The following MPPED2 variants were observed in gnomAD, a reference collection of about 807,000 sequenced individuals.
MPPED2 encodes the protein metallophosphoesterase MPPED2.
A neutral mutation model predicts 33.0 loss-of-function variants in MPPED2; 5 were observed. The ratio of observed to expected loss-of-function variants is 0.15; its 90% CI spans 0.08 to 0.32. The LOEUF (loss-of-function observed/expected upper bound fraction) is 0.32. Among genes scored for constraint, MPPED2 ranks in the 10% least tolerant of loss-of-function variants. The pLI, the probability that MPPED2 is intolerant of heterozygous loss-of-function variation, is 1.00. For missense variants in MPPED2, 275 were observed against 372.1 expected, an observed-to-expected ratio of 0.74 and a Z score of 2.15; for synonymous variants, 136 against 141.9, an observed-to-expected ratio of 0.96 and a Z score of 0.29.
At chr11:30,474,893 T>C (rs1176806741) in intron 4 of MPPED2, among the ~76,000 whole-genome samples, 1 of 152,110 alleles carries the variant, frequency 6.6e-6, no homozygotes, top group Non-Finnish European at 1.5e-5. Flanking sequence ...CCCCTCTTGC[T>C]TTGCTGCTCC....
intron 4 of MPPED2, among the ~76,000 whole-genome samples, chr11:30,427,077 C>T (rs1198015390): frequency 1.3e-5 from 2 of 152,184 alleles, no homozygotes; most frequent in Admixed American, 6.5e-5. Context: ...ATACCTGTGC[C>T]TCCTCTTCCC....
chr11:30,514,202 CT>C (rs777824145), intron 3 of MPPED2, among the ~76,000 whole-genome samples: 50 of 152,284 alleles, frequency 3.3e-4, no homozygotes, highest in Admixed American at 1.6e-3. Flanking sequence ...ATCTATTTCC[CT>C]TGCCAATGAC....
Position 30,570,985 on chromosome 11 carries a change from G to C in MPPED2, c.128+9261C>G, listed in dbSNP as rs572911284. Among the ~76,000 whole-genome samples, 5 of 152,296 alleles carry C rather than the reference G, an allele frequency of 3.3e-5. No homozygotes were observed. In the East Asian group the frequency reaches 9.6e-4, roughly 29 times the overall value. Reference sequence around the variant, plus strand: ...TGTACAAAGAAATAAGTGAGTTTCAGTAGAGTCCATGTTTTGATGTAGAGT... The same window carrying C: ...TGTACAAAGAAATAAGTGAGTTTCACTAGAGTCCATGTTTTGATGTAGAGT... On this transcript the variant is annotated intron_variant, in intron 2 of 6. Transcript: ENST00000358117.
chr11:30,551,364 T>C (rs919734122), intron 2 of MPPED2, among the ~76,000 whole-genome samples: 4 of 152,218 alleles, frequency 2.6e-5, no homozygotes, highest in Non-Finnish European at 5.9e-5. Context: ...AGAGATGCTA[T>C]AAATCATGAG....
At chr11:30,585,000 G>C (rs1957394145) in intron 1 of MPPED2, 1 of 152,034 alleles carries the variant, frequency 6.6e-6, no homozygotes, top group African/African-American at 2.4e-5. Flanking sequence ...TGTGTGAGAG[G>C]GGGGTGGTGA....
chr11:30,479,641 G>GA (rs35826560), intron 4 of MPPED2, among the ~76,000 whole-genome samples: 5 of 150,534 alleles, frequency 3.3e-5, no homozygotes, highest in Admixed American at 1.3e-4. Flanking sequence ...ACCTCTAAAG[G>GA]AAAAAAAAAT....
chr11:30,441,546 T>C (rs1949572020), intron 4 of MPPED2: 1 of 152,226 alleles, frequency 6.6e-6, no homozygotes, highest in South Asian at 2.1e-4. Context: ...AATCTTGTGG[T>C]AGTGACTTAA....
Position 30,580,456 on chromosome 11 carries a change from T to C in MPPED2, c.-83A>G. 6.4e-7 allele frequency: 1 copy of C among 1,568,296 alleles called. No individual in the cohort carries two copies. Reference sequence around the variant, plus strand: ...GGCATGGTGCGTTTCAGCCAACCTCTGAATCCAAGGATCTACTCATCAATA... The same window carrying C: ...GGCATGGTGCGTTTCAGCCAACCTCCGAATCCAAGGATCTACTCATCAATA... On this transcript the variant is annotated 5_prime_UTR_variant, in exon 2 of 7. Transcript: ENST00000358117.
intron 6 of MPPED2, among the ~76,000 whole-genome samples, chr11:30,393,924 C>G (rs1947809712): frequency 6.6e-6 from 1 of 152,104 alleles, no homozygotes; most frequent in Non-Finnish European, 1.5e-5. Flanking sequence ...CCAAAAACTC[C>G]CCTGTGCTGC....
intron 4 of MPPED2, among the ~76,000 whole-genome samples, chr11:30,469,779 C>A (rs1246015132): frequency 6.6e-6 from 1 of 152,110 alleles, no homozygotes; most frequent in African/African-American, 2.4e-5. Flanking sequence ...TCCATATCCC[C>A]CATTGATTAG....
intron 3 of MPPED2, among the ~76,000 whole-genome samples, chr11:30,498,698 A>G (rs1952415245): frequency 1.3e-5 from 2 of 152,226 alleles, no homozygotes; most frequent in South Asian, 4.1e-4. Flanking sequence ...TTTTAAAACT[A>G]CTTTTAAGAA....
intron 2 of MPPED2, among the ~76,000 whole-genome samples, chr11:30,538,331 A>G (rs182523201): frequency 6.6e-6 from 1 of 152,190 alleles, no homozygotes; most frequent in East Asian, 1.9e-4. Context: ...ATCTCAGCTT[A>G]TCAGACAGAC....
At chr11:30,520,631 TGAAG>T (rs1349950765) in intron 3 of MPPED2, among the ~76,000 whole-genome samples, 1 of 152,202 alleles carries the variant, frequency 6.6e-6, no homozygotes. Flanking sequence ...TATTTGGAAA[TGAAG>T]GGAGTATTTA....
intron 6 of MPPED2, among the ~76,000 whole-genome samples, chr11:30,413,850 G>T (rs1250590926): frequency 6.6e-6 from 1 of 152,162 alleles, no homozygotes; most frequent in Non-Finnish European, 1.5e-5. Flanking sequence ...GCTTAAAATA[G>T]CTTCTAATAT....
intron 3 of MPPED2, among the ~76,000 whole-genome samples, chr11:30,507,432 C>T (rs1952894253): frequency 1.3e-5 from 2 of 152,156 alleles, no homozygotes; most frequent in South Asian, 4.1e-4. Context: ...CATCCTATGT[C>T]AATTTTAATA....
downstream of MPPED2, among the ~76,000 whole-genome samples, chr11:30,406,822 G>A (rs1401561065): frequency 6.6e-6 from 1 of 152,124 alleles, no homozygotes; most frequent in Non-Finnish European, 1.5e-5. Context: ...GTTTCCAAAT[G>A]CCTCACCTCA....
At position 30,580,254 on chromosome 11, in the gene MPPED2, A is replaced by T. The variant is rs1353083872; in HGVS notation, c.120T>A (p.His40Gln). 6.2e-7 allele frequency: 1 copy of T among 1,613,906 alleles called. No individual in the cohort carries two copies. The highest frequency in any genetic ancestry group is 1.7e-5 in the Admixed American group (1 of 60,008). ...NINQSRFQPPHVHMVDPIPYD... is the reference protein window; with the variant it reads ...NINQSRFQPPQVHMVDPIPYD... ...TCATAAGCGATACTTACATATGTAC[A>T]TGTGGAGGCTGGAATCTGCTCTGGT... is the stretch of plus-strand genomic sequence containing the variant. Residue 40 changes from histidine (H) to glutamine (Q), a missense_variant, in exon 2 of 7, where the codon CAT becomes CAA. By Grantham distance (24) the His-to-Gln change is conservative (BLOSUM62 0). Coordinates refer to ENST00000358117, the MANE Select transcript of MPPED2 (RefSeq NM_001584.3).
At chr11:30,417,061 A>G (rs141273999) in intron 5 of MPPED2, among the ~76,000 whole-genome samples, 1 of 152,176 alleles carries the variant, frequency 6.6e-6, no homozygotes, top group Non-Finnish European at 1.5e-5. Flanking sequence ...TATCAGCTCA[A>G]ATGTTAAACT....
exon 7 of MPPED2, chr11:30,388,719 G>A: frequency 1.2e-6 from 1 of 800,208 alleles, no homozygotes; most frequent in South Asian, 3.0e-5. Context: ...TCCACCAGGT[G>A]AGCTTCCCTG....
Sources: allele counts gnomAD v4.1 joint callset (sites outside exome capture counted in the v4.1 genomes callset), GRCh38; gene constraint gnomAD v4.1.1; transcripts MANE v1.5; gene names NCBI Gene and HGNC (gene_info 2026-07-23, HGNC 2026-07-21).